The following RRM1 variants were observed in gnomAD, a reference collection of about 807,000 sequenced individuals.
RRM1 encodes the protein ribonucleotide reductase catalytic subunit M1.
A neutral mutation model predicts 101.5 loss-of-function variants in RRM1; 19 were observed. That is an observed-to-expected ratio of 0.19 (90% confidence interval 0.13 to 0.27). The LOEUF (loss-of-function observed/expected upper bound fraction) is 0.27. Among genes scored for constraint, RRM1 ranks in the 10% least tolerant of loss-of-function variants. The pLI, the probability that RRM1 is intolerant of heterozygous loss-of-function variation, is 1.00. For missense variants in RRM1, 500 were observed against 962.9 expected (o/e 0.52, Z 6.36); for synonymous variants, 298 against 323.4 (o/e 0.92, Z 0.84).
intron 1 of RRM1, among the ~76,000 whole-genome samples, chr11:4,095,365 A>G (rs1301023211): frequency 2.2e-5 from 3 of 134,492 alleles, no homozygotes; most frequent in African/African-American, 7.8e-5. Flanking sequence ...AGAGATGATT[A>G]GCTTATTACA....
In RRM1 at chr11:4,135,700, C is replaced by T. The variant is rs569336320; in HGVS notation, c.2190+430C>T. ...AGATAAAACTTTGCACACGTCAACC[C>T]GCTATTCAAAAACATCCATTGTTTT... is the stretch of plus-strand genomic sequence containing the variant. On this transcript the variant is annotated intron_variant, in intron 18 of 18. Transcript: ENST00000300738. 5.3e-5 allele frequency among the ~76,000 whole-genome samples: 8 copies of T among 152,166 alleles called. No individual in the cohort carries two copies. In the South Asian group the frequency reaches 1.0e-3, roughly 20 times the overall value.
In RRM1 at chr11:4,127,167, A is replaced by G. The variant is rs776174005; in HGVS notation, c.1603A>G (p.Ile535Val). The G allele has an allele frequency of 3.7e-6, 6 of 1,613,934 alleles. No individual in the cohort carries two copies. The Admixed American group carries it at 1.0e-4, about 27-fold the overall frequency. The change falls in exon 14 of 19, where the codon ATT (isoleucine) becomes GTT (valine). Residue 535 changes from isoleucine to valine, a missense_variant. Physicochemically the swap from Ile to Val is conservative, Grantham distance 29 (BLOSUM62 3). Coordinates refer to ENST00000300738, the MANE Select transcript of RRM1 (RefSeq NM_001033.5). ...ACTGAATAAGCAGATCTTTGAAACT[A>G]TTTATTATGGTGCTCTGGAAGCCAG... ...QLLNKQIFET[I>V]YYGALEASCD... is the part of the protein sequence containing the mutation.
chr11:4,137,265 G>C (rs956374547), intron 18 of RRM1: 10 of 242,546 alleles, frequency 4.1e-5, no homozygotes, highest in Non-Finnish European at 7.3e-5. Flanking sequence ...ATCTTGGCCC[G>C]TTCTCAATGA....
chr11:4,122,117 G>T, intron 10 of RRM1, 24 bp from the exon 11 acceptor site: 1 of 1,579,586 alleles, frequency 6.3e-7, no homozygotes, highest in Non-Finnish European at 8.7e-7. Flanking sequence ...TTTCTTATGA[G>T]TGATTTTGTC....
In RRM1 at chr11:4,111,946, C is replaced by T; in HGVS notation, c.534C>T (p.Ile178=). The T allele has an allele frequency of 1.9e-6, 3 of 1,614,032 alleles. No homozygotes were observed. The highest frequency in any genetic ancestry group is 2.5e-6 in the Non-Finnish European group (3 of 1,179,954). The change falls in exon 7 of 19, where the codon ATC becomes ATT. Residue 178 remains isoleucine (I), a synonymous_variant. Transcript: ENST00000300738. ...QHMLMRVSVG[I]HKEDIDAAIE... is the part of the protein sequence containing the mutation. ...TGTTGATGAGAGTATCTGTTGGGAT[C>T]CACAAAGAAGACATTGATGCAGCAA...
intron 1 of RRM1, among the ~76,000 whole-genome samples, chr11:4,098,783 A>G (rs1473289612): frequency 2.0e-5 from 3 of 152,188 alleles, no homozygotes; most frequent in Non-Finnish European, 4.4e-5. Context: ...TGGTAAGTGT[A>G]TATAAGAAAT....
chr11:4,110,506 G>A (rs573754310), intron 5 of RRM1, among the ~76,000 whole-genome samples: 68 of 152,226 alleles, frequency 4.5e-4, no homozygotes, highest in African/African-American at 1.5e-3. Context: ...GGTGGCTTAC[G>A]CCTGTAATCC....
At position 4,107,457 on chromosome 11, in the gene RRM1, C is replaced by A. The variant is rs925581917; in HGVS notation, c.309C>A (p.Asn103Lys). Residue 103 changes from asparagine (N) to lysine (K), a missense_variant, in exon 4 of 19, where the codon AAC (asparagine) becomes AAA (lysine). Transcript: ENST00000300738. Reference protein sequence around the residue: ...VFSDVMEDLYNYINPHNGKHS... With the variant: ...VFSDVMEDLYKYINPHNGKHS... ...TAGATGTGATGGAAGACCTCTATAA[C>A]TACATAAATCCACATAATGGCAAAC... The A allele has an allele frequency of 1.2e-6, 2 of 1,611,556 alleles. No individual in the cohort carries two copies. The highest frequency in any genetic ancestry group is 1.7e-6 in the Non-Finnish European group (2 of 1,177,734).
chr11:4,101,330 T>C (rs1368818155), intron 1 of RRM1, among the ~76,000 whole-genome samples: 153 of 151,718 alleles, frequency 1.0e-3, no homozygotes, highest in Admixed American at 2.6e-3. Context: ...TTTTTTTTTT[T>C]AGTTGGAGTT....
chr11:4,112,058 T>C lies in RRM1; in HGVS notation c.646T>C (p.Ser216Pro). 1 of 1,612,472 alleles carries C rather than the reference T, an allele frequency of 6.2e-7. No homozygotes were observed. Among genetic ancestry groups the C allele is most frequent in the Non-Finnish European group, 8.5e-7 (1 of 1,179,194 alleles). ...TGCTGGTACCAACCGCCCACAACTT[T>C]CTAGGTAGGTGTTTTGAGTAGGGAA... ...FNAGTNRPQL[S>P]SCFLLSMKDD... Residue 216 changes from serine (S) to proline (P), a missense_variant, in exon 7 of 19, where the codon TCT becomes CCT. Physicochemically the swap from Ser to Pro is moderately conservative, Grantham distance 74 (BLOSUM62 -1). This residue lies in a region of RRM1 where 111 missense variants were observed against 219.8 expected (regional missense o/e 0.51). Transcript: ENST00000300738.
At chr11:4,102,237 T>C (rs1020261893) in intron 2 of RRM1, among the ~76,000 whole-genome samples, 156 bp downstream of exon 2, 11 of 152,050 alleles carry the variant, frequency 7.2e-5, no homozygotes, top group African/African-American at 1.2e-4. Context: ...CATTTTTTTT[T>C]CCTTAATTTT....
intron 1 of RRM1, among the ~76,000 whole-genome samples, chr11:4,101,399 G>A (rs1403642345): frequency 6.6e-6 from 1 of 151,490 alleles, no homozygotes; most frequent in Admixed American, 6.6e-5. Flanking sequence ...TGCAACCTCC[G>A]CCTCCTGGGT....
At chr11:4,129,026 C>G in intron 14 of RRM1, 48 bp from the exon 15 acceptor site, 3 of 884,154 alleles carry the variant, frequency 3.4e-6, no homozygotes, top group Non-Finnish European at 4.9e-6. Flanking sequence ...TTTTTTTGGT[C>G]ATAGTTTTAA....
Position 4,104,452 on chromosome 11 carries a change from T to A in RRM1, c.109-1594T>A, listed in dbSNP as rs561023398. 2.0e-5 allele frequency among the ~76,000 whole-genome samples: 3 copies of A among 152,298 alleles called. No homozygotes were observed. In the East Asian group the frequency reaches 5.8e-4, roughly 29 times the overall value. On this transcript the variant is annotated intron_variant, in intron 2 of 18. Coordinates refer to ENST00000300738, the MANE Select transcript of RRM1 (RefSeq NM_001033.5). ...CTTAAAGATTCAATAAATAAACCAC[T>A]CACAACTTAGAATTTGTTTTTCTTA...
chr11:4,112,751 T>A (rs940285709), intron 7 of RRM1, among the ~76,000 whole-genome samples: 1 of 152,108 alleles, frequency 6.6e-6, no homozygotes, highest in Admixed American at 6.6e-5. Context: ...ATATAAGAAA[T>A]TGTGGTAGTC....
chr11:4,106,921 T>G (rs2094559083), intron 3 of RRM1, among the ~76,000 whole-genome samples: 1 of 152,160 alleles, frequency 6.6e-6, no homozygotes, highest in African/African-American at 2.4e-5. Context: ...GAGATAAAGT[T>G]TTGCTCTTAT....
chr11:4,123,844 A>G (rs546021244), intron 12 of RRM1, among the ~76,000 whole-genome samples: 73 of 152,318 alleles, frequency 4.8e-4, no homozygotes, highest in Non-Finnish European at 8.4e-4. Flanking sequence ...CAACAACAAC[A>G]AAAGTATGTA....
chr11:4,127,091 A>T lies in RRM1; in HGVS notation c.1527A>T (p.Ala509=). The change falls in exon 14 of 19, where the codon GCA becomes GCT. Residue 509 remains alanine, a synonymous_variant. Coordinates refer to ENST00000300738, the MANE Select transcript of RRM1 (RefSeq NM_001033.5). ...TTGGAATTGGGGTACAAGGTCTGGC[A>T]GATGCTTTTATCCTGATGAGATACC... ...RPIGIGVQGL[A]DAFILMRYPF... The T allele has an allele frequency of 1.2e-6, 2 of 1,614,172 alleles. No homozygotes were observed. Among genetic ancestry groups the T allele is most frequent in the Non-Finnish European group, 1.7e-6 (2 of 1,180,026 alleles).
At chr11:4,097,278 C>CAAAA (rs1221330899) in intron 1 of RRM1, among the ~76,000 whole-genome samples, 2 of 68,838 alleles carry the variant, frequency 2.9e-5, no homozygotes, top group Non-Finnish European at 5.5e-5. Flanking sequence ...CACTCTGTCT[C>CAAAA]AAAAAAAAAA....
Sources: allele counts gnomAD v4.1 joint callset (sites outside exome capture counted in the v4.1 genomes callset), GRCh38; gene constraint gnomAD v4.1.1; regional missense constraint gnomAD v4.1.1; transcripts MANE v1.5; gene names NCBI Gene and HGNC (gene_info 2026-07-23, HGNC 2026-07-21).